The following SLC35F3 variants were observed in gnomAD, a reference collection of about 807,000 sequenced individuals.
SLC35F3 encodes the protein solute carrier family 35 member F3.
A neutral mutation model predicts 49.9 loss-of-function variants in SLC35F3; 25 were observed. The observed-to-expected ratio is 0.50, with a 90% CI of 0.37 to 0.70. The LOEUF is 0.70. Among genes scored for constraint, SLC35F3 ranks in the 30% least tolerant of loss-of-function variants. The pLI is 0.00. For synonymous variants in SLC35F3, 275 were observed against 265.4 expected, an observed-to-expected ratio of 1.04 and a Z score of -0.35; for missense variants, 525 against 639.8, an observed-to-expected ratio of 0.82 and a Z score of 1.94.
At chr1:234,218,354 G>T (rs555389212) in intron 2 of SLC35F3, among the ~76,000 whole-genome samples, 11 of 152,238 alleles carry the variant, frequency 7.2e-5, no homozygotes, top group African/African-American at 2.4e-4. Flanking sequence ...AGATGGACTG[G>T]GTCTATCCAG....
At chr1:233,999,321 G>C in intron 2 of SLC35F3, among the ~76,000 whole-genome samples, 1 of 152,044 alleles carries the variant, frequency 6.6e-6, no homozygotes, top group East Asian at 1.9e-4. Context: ...ATCCTTCTAG[G>C]CCTTGTCACC....
At chr1:233,927,492 C>A (rs767181774) in intron 2 of SLC35F3, among the ~76,000 whole-genome samples, 1 of 152,048 alleles carries the variant, frequency 6.6e-6, no homozygotes, top group Non-Finnish European at 1.5e-5. Flanking sequence ...TGTATGGGCA[C>A]GTGTACTACT....
At chr1:234,258,475 C>G (rs1328778005) in intron 3 of SLC35F3, among the ~76,000 whole-genome samples, 1 of 152,220 alleles carries the variant, frequency 6.6e-6, no homozygotes, top group African/African-American at 2.4e-5. Flanking sequence ...TAAACAATGA[C>G]TAGTTATCAT....
chr1:234,181,945 A>G (rs1014250407), intron 2 of SLC35F3, among the ~76,000 whole-genome samples: 7 of 152,176 alleles, frequency 4.6e-5, no homozygotes, highest in Admixed American at 3.9e-4. Flanking sequence ...GTTATATTCT[A>G]TCATCTTCTT....
At chr1:234,317,604 A>T (rs1235963444) in intron 5 of SLC35F3, among the ~76,000 whole-genome samples, 2 of 152,172 alleles carry the variant, frequency 1.3e-5, no homozygotes, top group Non-Finnish European at 2.9e-5. Context: ...CAGCTCTGTG[A>T]GTACCATGTG....
At chr1:234,128,700 T>C (rs1665686228) in intron 2 of SLC35F3, among the ~76,000 whole-genome samples, 1 of 152,222 alleles carries the variant, frequency 6.6e-6, no homozygotes, top group Non-Finnish European at 1.5e-5. Context: ...AGGCATGTTA[T>C]GTCCAGGGAA....
intron 3 of SLC35F3, among the ~76,000 whole-genome samples, chr1:234,270,863 G>A (rs530513424): frequency 2.0e-5 from 3 of 152,304 alleles, no homozygotes; most frequent in Non-Finnish European, 2.9e-5. Context: ...GCCCAGGAGA[G>A]GCAAGCTTGA....
At chr1:234,227,908 C>A (rs1667313551) in intron 2 of SLC35F3, among the ~76,000 whole-genome samples, 1 of 152,182 alleles carries the variant, frequency 6.6e-6, no homozygotes, top group Non-Finnish European at 1.5e-5. Context: ...TTGAAAATGA[C>A]CCTAGAAATG....
Position 234,214,656 on chromosome 1 carries a change from C to A in SLC35F3, c.284-16761C>A. 1 of 1,447,164 alleles carries A rather than the reference C, an allele frequency of 6.9e-7. No individual in the cohort carries two copies. Among genetic ancestry groups the A allele is most frequent in the Admixed American group, 2.6e-5 (1 of 38,728 alleles). The allele number at this position is 1,447,164 out of a possible 1,614,324, so 89.6% of individuals were successfully genotyped here. On this transcript the variant is annotated intron_variant, in intron 2 of 7. Coordinates refer to ENST00000366618, the MANE Select transcript of SLC35F3 (RefSeq NM_173508.4). The surrounding 1 kb of genome is among the most constrained non-coding windows in gnomAD (Gnocchi z 8.0). ...CACCCTGAGGGGGGCTGTCTGGCTG[C>A]GGGGCGCCGGGGCTGGGGGTACTGC...
At chr1:234,140,743 C>T (rs1665903171) in intron 2 of SLC35F3, among the ~76,000 whole-genome samples, 1 of 152,168 alleles carries the variant, frequency 6.6e-6, no homozygotes, top group South Asian at 2.1e-4. Context: ...TTGTATATCT[C>T]GAAGTCAGGT....
intron 2 of SLC35F3, among the ~76,000 whole-genome samples, chr1:234,190,470 A>G (rs1281050695): frequency 6.6e-5 from 10 of 152,234 alleles, no homozygotes; most frequent in Admixed American, 6.5e-4. Context: ...TAAAAAAGAC[A>G]AAGAGGGACA....
At chr1:234,036,559 TTTTATCTG>T (rs1412832790) in intron 2 of SLC35F3, among the ~76,000 whole-genome samples, 4 of 152,214 alleles carry the variant, frequency 2.6e-5, no homozygotes, top group African/African-American at 4.8e-5. Flanking sequence ...TAATTTCCTA[TTTTATCTG>T]TGGCATCCCC....
At chr1:234,037,108 A>G (rs148142516) in intron 2 of SLC35F3, among the ~76,000 whole-genome samples, 1 of 152,306 alleles carries the variant, frequency 6.6e-6, no homozygotes, top group East Asian at 1.9e-4. Flanking sequence ...GTCATTTACT[A>G]ACAAAAGAGA....
At chr1:234,114,339 A>G (rs1471603920) in intron 2 of SLC35F3, among the ~76,000 whole-genome samples, 1 of 152,218 alleles carries the variant, frequency 6.6e-6, no homozygotes, top group Admixed American at 6.5e-5. Flanking sequence ...TTTTGTTGTT[A>G]TTGCTGTTTT....
At chr1:234,293,401 C>A (rs35058351) in intron 3 of SLC35F3, among the ~76,000 whole-genome samples, 11,913 of 152,248 alleles carry the variant, frequency 0.078, 615 homozygotes, top group Non-Finnish European at 0.12. Context: ...GGGAAAACAT[C>A]CAAAAACAAG....
intron 2 of SLC35F3, among the ~76,000 whole-genome samples, chr1:234,120,366 G>A (rs1665552288): frequency 6.6e-6 from 1 of 152,206 alleles, no homozygotes; most frequent in Admixed American, 6.5e-5. Context: ...GGGAATAATA[G>A]CAATAATAGC....
At chr1:233,926,429 A>G (rs913628741) in intron 2 of SLC35F3, among the ~76,000 whole-genome samples, 2 of 152,072 alleles carry the variant, frequency 1.3e-5, no homozygotes, top group African/African-American at 4.8e-5. Context: ...TGAATCGGCT[A>G]CTGAAGCTTT....
At position 234,264,956 on chromosome 1, in the gene SLC35F3, G is replaced by A. The variant is rs372710465; in HGVS notation, c.608+33215G>A. Among the ~76,000 whole-genome samples, 4 of 152,280 alleles carry A rather than the reference G, an allele frequency of 2.6e-5. No homozygotes were observed. The East Asian group carries it at 5.8e-4, about 22-fold the overall frequency. ...CTTCCTCTCTGGCTGTTCCTTCTCA[G>A]GCTGCTTTACTGGTTCCTCCGGCCT... On this transcript the variant is annotated intron_variant, in intron 3 of 7. Transcript: ENST00000366618.
chr1:234,322,020 A>T (rs1043375147), intron 7 of SLC35F3, among the ~76,000 whole-genome samples: 13 of 150,854 alleles, frequency 8.6e-5, no homozygotes, highest in African/African-American at 1.7e-4. Flanking sequence ...ATCTCTACAA[A>T]AATAATAATA....
Sources: gnomAD v4.1 joint callset for allele counts (sites outside exome capture counted in the v4.1 genomes callset) on GRCh38, gnomAD v4.1.1 for gene constraint, Gnocchi (gnomAD v3.1) non-coding constraint, MANE v1.5 for transcripts, NCBI Gene and HGNC (gene_info 2026-07-23, HGNC 2026-07-21) for gene names.